Variants in AGK observed in about 807,000 individuals in gnomAD.
AGK encodes acylglycerol kinase, mitochondrial.
AGK carries 52 observed loss-of-function variants against 66.4 expected under a neutral mutation model. The ratio of observed to expected loss-of-function variants is 0.78; its 90% CI spans 0.63 to 0.99. The LOEUF is 0.99. Ranked by LOEUF, AGK falls within the 50% of genes least tolerant of loss-of-function variation. The probability of loss-of-function intolerance (pLI) is 0.00; values close to 1 mark genes in which losing one functional copy is unlikely to be tolerated. For synonymous variants in AGK, 182 were observed against 181.1 expected, an observed-to-expected ratio of 1.00 and a Z score of -0.04; for missense variants, 451 against 506.6, an observed-to-expected ratio of 0.89 and a Z score of 1.05.
intron 2 of AGK, among the ~76,000 whole-genome samples, chr7:141,588,650 G>A (rs942583872): frequency 6.6e-6 from 1 of 151,914 alleles, no homozygotes; most frequent in African/African-American, 2.4e-5. Flanking sequence ...AGATTAAAAG[G>A]TTGACTACTC....
At chr7:141,610,865 C>G (rs1796569988) in intron 5 of AGK, among the ~76,000 whole-genome samples, 3 of 152,144 alleles carry the variant, frequency 2.0e-5, no homozygotes, top group Admixed American at 1.3e-4. Flanking sequence ...CACTTGACTT[C>G]CTATAAAGGA....
intron 2 of AGK, among the ~76,000 whole-genome samples, chr7:141,564,258 C>T (rs968505717): frequency 6.6e-6 from 1 of 152,166 alleles, no homozygotes; most frequent in Non-Finnish European, 1.5e-5. Context: ...AGTTTGTTCT[C>T]ATGCTTCTAA....
intron 8 of AGK, among the ~76,000 whole-genome samples, chr7:141,621,378 T>C (rs1796820440): frequency 6.6e-6 from 1 of 152,244 alleles, no homozygotes. Context: ...GTATTGTTTT[T>C]GGAAATGCCT....
intron 10 of AGK, among the ~76,000 whole-genome samples, chr7:141,634,300 C>A (rs1195470134): frequency 6.6e-6 from 1 of 152,192 alleles, no homozygotes; most frequent in African/African-American, 2.4e-5. Context: ...GATTGCCTAT[C>A]ATTCTGCAGC....
intron 2 of AGK, among the ~76,000 whole-genome samples, chr7:141,588,342 A>G (rs1796035159): frequency 6.6e-6 from 1 of 152,180 alleles, no homozygotes; most frequent in Non-Finnish European, 1.5e-5. Context: ...TTATTAAGAT[A>G]GTAGGCCAGG....
At chr7:141,582,189 A>C (rs957955521) in intron 2 of AGK, among the ~76,000 whole-genome samples, 4 of 152,046 alleles carry the variant, frequency 2.6e-5, no homozygotes, top group Admixed American at 6.5e-5. Flanking sequence ...GACATAGCTT[A>C]GGAGGAATCC....
At chr7:141,630,479 A>T (rs1005622337) in intron 9 of AGK, among the ~76,000 whole-genome samples, 1 of 152,212 alleles carries the variant, frequency 6.6e-6, no homozygotes, top group Non-Finnish European at 1.5e-5. Context: ...TGATTTAATC[A>T]TCCCACATGT....
At chr7:141,569,629 A>G (rs1477401712) in intron 2 of AGK, among the ~76,000 whole-genome samples, 1 of 152,226 alleles carries the variant, frequency 6.6e-6, no homozygotes, top group African/African-American at 2.4e-5. Context: ...TTATTAACTC[A>G]TTTCATCTTC....
chr7:141,607,719 A>G lies in AGK; in HGVS notation c.298-3476A>G, dbSNP rs549685981. Among the ~76,000 whole-genome samples, 5 of 152,136 alleles carry G rather than the reference A, an allele frequency of 3.3e-5. No homozygotes were observed. In the East Asian group the frequency reaches 9.7e-4, roughly 29 times the overall value. On this transcript the variant is annotated intron_variant, in intron 5 of 15. Coordinates refer to ENST00000649286, the MANE Select transcript of AGK (RefSeq NM_018238.4). ...TATCTAAAAACTCATCACCAACCCC[A>G]AGATCACTTAAATTCCCTCCTGTGT... is the stretch of plus-strand genomic sequence containing the variant.
At chr7:141,575,206 G>C (rs1795707881) in intron 2 of AGK, among the ~76,000 whole-genome samples, 1 of 152,212 alleles carries the variant, frequency 6.6e-6, no homozygotes, top group Non-Finnish European at 1.5e-5. Flanking sequence ...TGTCTGTAGA[G>C]AACAGAAGAG....
intron 9 of AGK, among the ~76,000 whole-genome samples, chr7:141,631,374 A>G (rs1797052046): frequency 6.6e-6 from 1 of 152,198 alleles, no homozygotes; most frequent in African/African-American, 2.4e-5. Context: ...TTCTCACTTC[A>G]AAACAATTGT....
At position 141,555,613 on chromosome 7, in the gene AGK, C is replaced by T; in HGVS notation, c.101+46C>T. The T allele has an allele frequency of 6.9e-7, 1 of 1,446,492 alleles. No homozygotes were observed. The highest frequency in any genetic ancestry group is 9.7e-7 in the Non-Finnish European group (1 of 1,034,596). 89.6% of individuals were successfully genotyped at this position (1,446,492 alleles called of 1,614,324 possible). Reference sequence around the variant, plus strand: ...TCCCACCTTTGCATCTGCAGCAAAACAGCCCCAAAGGGCCTCAGGTTAAAA... The same window carrying T: ...TCCCACCTTTGCATCTGCAGCAAAATAGCCCCAAAGGGCCTCAGGTTAAAA... On this transcript the variant is annotated intron_variant, in intron 2 of 15. Transcript: ENST00000649286. The surrounding 1 kb of genome is among the most constrained non-coding windows in gnomAD (Gnocchi z 4.2).
At chr7:141,571,194 T>C (rs1484602678) in intron 2 of AGK, among the ~76,000 whole-genome samples, 1 of 152,252 alleles carries the variant, frequency 6.6e-6, no homozygotes, top group Non-Finnish European at 1.5e-5. Flanking sequence ...ATGGTGCCCT[T>C]GAGGCAAGTG....
intron 13 of AGK, among the ~76,000 whole-genome samples, chr7:141,642,775 A>G (rs1045771330): frequency 6.6e-6 from 1 of 152,244 alleles, no homozygotes; most frequent in African/African-American, 2.4e-5. Context: ...TTATTGGAGC[A>G]CAGCCATATT....
chr7:141,623,336 G>A (rs138974422), intron 9 of AGK, among the ~76,000 whole-genome samples: 1,503 of 147,088 alleles, frequency 0.01, 27 homozygotes, highest in African/African-American at 0.036. Flanking sequence ...CCGAGATCGC[G>A]CCATTGCACT....
rs368893843 is a variant in AGK at position 141,604,374 on chromosome 7, GTATATATATA to G, written c.297+3115_297+3124del. Among the ~76,000 whole-genome samples the G allele has an allele frequency of 5.0e-3, 567 of 113,798 alleles. 6 individuals are homozygous for G. The highest frequency in any genetic ancestry group is 0.018 in the African/African-American group (517 of 29,226). The allele number at this position is 113,798 out of a possible 152,430, so 74.7% of individuals were successfully genotyped here. A position where few individuals can be genotyped will look rare whatever the true frequency, so the allele number is the denominator to read the frequency against. On this transcript the variant is annotated intron_variant, in intron 5 of 15. Transcript: ENST00000649286. ...CATATGTATGAATGTGTGTGTGTGT[GTATATATATA>G]TATATATATATATATATATACACAT...
At chr7:141,564,647 C>G (rs533259694) in intron 2 of AGK, among the ~76,000 whole-genome samples, 1 of 152,174 alleles carries the variant, frequency 6.6e-6, no homozygotes, top group East Asian at 1.9e-4. Context: ...TGACTCTCCT[C>G]GAAATGCTTC....
At chr7:141,639,425 G>A (rs1257532886) in intron 11 of AGK, among the ~76,000 whole-genome samples, 1 of 152,146 alleles carries the variant, frequency 6.6e-6, no homozygotes, top group Non-Finnish European at 1.5e-5. Context: ...GAGGAGGTGA[G>A]AAGGGAGACA....
In AGK at chr7:141,652,951, C is replaced by T. The variant is rs758358068; in HGVS notation, c.*27C>T. On this transcript the variant is annotated 3_prime_UTR_variant, in exon 16 of 16. Coordinates refer to ENST00000649286, the MANE Select transcript of AGK (RefSeq NM_018238.4). Reference sequence around the variant, plus strand: ...CAGCAGAAGACAAGCACTCTGAGACCACACTTTAGGCCACCGGTGGGACCA... The same window carrying T: ...CAGCAGAAGACAAGCACTCTGAGACTACACTTTAGGCCACCGGTGGGACCA... 1.9e-6 allele frequency: 3 copies of T among 1,612,736 alleles called. No individual in the cohort carries two copies. Among genetic ancestry groups the T allele is most frequent in the Non-Finnish European group, 1.7e-6 (2 of 1,179,690 alleles).
Sources: gnomAD v4.1 joint callset for allele counts (sites outside exome capture counted in the v4.1 genomes callset) on GRCh38, gnomAD v4.1.1 for gene constraint, Gnocchi (gnomAD v3.1) non-coding constraint, MANE v1.5 for transcripts, NCBI Gene and HGNC (gene_info 2026-07-23, HGNC 2026-07-21) for gene names.